The following GRIK3 variants were observed in gnomAD, a reference collection of about 807,000 sequenced individuals.
The protein encoded by GRIK3 is glutamate receptor ionotropic, kainate 3.
In GRIK3, 29 loss-of-function variants were observed where a neutral mutation model predicts 102.5. That is an observed-to-expected ratio of 0.28 (90% confidence interval 0.21 to 0.39). The LOEUF (loss-of-function observed/expected upper bound fraction) is 0.39, where lower values mean the gene tolerates loss of function less well. Ranked by LOEUF, GRIK3 falls within the 10% of genes least tolerant of loss-of-function variation. GRIK3 has a pLI of 1.00. For missense variants in GRIK3, 908 were observed against 1,252.4 expected (o/e 0.73, Z 4.15); for synonymous variants, 511 against 504.9 (o/e 1.01, Z -0.16).
At chr1:37,005,560 A>G (rs1209446263) in intron 1 of GRIK3, among the ~76,000 whole-genome samples, 1 of 152,214 alleles carries the variant, frequency 6.6e-6, no homozygotes. Flanking sequence ...GGGCTGGGCC[A>G]GCCAGGGGGA....
intron 1 of GRIK3, among the ~76,000 whole-genome samples, chr1:36,898,229 G>A (rs1336682321): frequency 5.3e-5 from 8 of 151,986 alleles, no homozygotes; most frequent in African/African-American, 1.9e-4. Context: ...AGCACAACAG[G>A]GTGACTATAA....
At chr1:36,802,141 G>A (rs1243064349) in intron 15 of GRIK3, 96 bp from the exon 16 acceptor site, 1 of 844,244 alleles carries the variant, frequency 1.2e-6, no homozygotes, top group Non-Finnish European at 1.8e-6. Context: ...CCCAGAGTCT[G>A]TGCTAAGGTT....
At chr1:36,937,602 G>A (rs1641673421) in intron 1 of GRIK3, among the ~76,000 whole-genome samples, 1 of 152,140 alleles carries the variant, frequency 6.6e-6, no homozygotes. Flanking sequence ...TACGGGCAGG[G>A]AGCAGCGGTG....
intron 10 of GRIK3, among the ~76,000 whole-genome samples, chr1:36,829,196 A>G (rs1357201905): frequency 6.6e-6 from 1 of 152,182 alleles, no homozygotes; most frequent in Admixed American, 6.5e-5. Context: ...ATTTTGTCCA[A>G]CTTCCCTTGA....
chr1:36,968,584 C>T (rs938574485), intron 1 of GRIK3, among the ~76,000 whole-genome samples: 1 of 152,216 alleles, frequency 6.6e-6, no homozygotes, highest in East Asian at 1.9e-4. Flanking sequence ...GCTCCTCCAC[C>T]TCTCTCACAT....
intron 1 of GRIK3, among the ~76,000 whole-genome samples, chr1:36,952,858 G>C (rs969244959): frequency 1.3e-5 from 2 of 152,200 alleles, no homozygotes; most frequent in Admixed American, 1.3e-4. Flanking sequence ...GAGAACACTT[G>C]AAGCCAAATC....
chr1:36,960,735 C>T (rs1482951278), intron 1 of GRIK3, among the ~76,000 whole-genome samples: 1 of 152,220 alleles, frequency 6.6e-6, no homozygotes, highest in African/African-American at 2.4e-5. Context: ...CTCCATTCAC[C>T]CCCTAGACAC....
chr1:37,013,266 A>T (rs542956806), intron 1 of GRIK3, among the ~76,000 whole-genome samples: 1 of 152,362 alleles, frequency 6.6e-6, no homozygotes, highest in African/African-American at 2.4e-5. Context: ...CACAACATGT[A>T]GGAATTATGG....
chr1:36,934,768 C>T (rs1337978713), intron 1 of GRIK3, among the ~76,000 whole-genome samples: 1 of 152,200 alleles, frequency 6.6e-6, no homozygotes, highest in African/African-American at 2.4e-5. Flanking sequence ...GGGAGTTCAG[C>T]ATACATCACC....
intron 1 of GRIK3, among the ~76,000 whole-genome samples, chr1:37,031,770 G>C (rs1642830701): frequency 6.6e-6 from 1 of 152,208 alleles, no homozygotes; most frequent in South Asian, 2.1e-4. Flanking sequence ...TTGGATTTTA[G>C]CATGAGATTC....
intron 1 of GRIK3, among the ~76,000 whole-genome samples, chr1:36,894,013 G>T (rs1047338721): frequency 6.6e-6 from 1 of 152,036 alleles, no homozygotes; most frequent in African/African-American, 2.4e-5. Context: ...TTTGATAATT[G>T]ATTTTGTTGA....
intron 1 of GRIK3, among the ~76,000 whole-genome samples, chr1:36,998,065 C>A (rs12085851): frequency 0.026 from 3,951 of 152,220 alleles, 173 homozygotes; most frequent in African/African-American, 0.089. Context: ...GACTGACTGA[C>A]TGAATGAATG....
chr1:36,953,136 C>A (rs1641865027), intron 1 of GRIK3, among the ~76,000 whole-genome samples: 1 of 152,242 alleles, frequency 6.6e-6, no homozygotes, highest in Non-Finnish European at 1.5e-5. Flanking sequence ...TGTGCAGACA[C>A]AACACTTCAC....
chr1:36,800,329 G>GTT lies in GRIK3; in HGVS notation c.*1521_*1522insAA, dbSNP rs1642427452. Reference sequence around the variant, plus strand: ...CATCCTTGGCCATGGTAACCCTGCTGGCCCATCATGTTCTCTTTAAGGACA... The same window carrying GTT: ...CATCCTTGGCCATGGTAACCCTGCTGTTGCCCATCATGTTCTCTTTAAGGACA... On this transcript the variant is annotated 3_prime_UTR_variant, in exon 16 of 16. Transcript: ENST00000373091. 1.3e-5 allele frequency: 2 copies of GTT among 152,234 alleles called. No individual in the cohort carries two copies. The highest frequency in any genetic ancestry group is 4.8e-5 in the African/African-American group (2 of 41,420). 9.4% of individuals were successfully genotyped at this position (152,234 alleles called of 1,614,324 possible).
Position 36,945,151 on chromosome 1 carries a change from T to G in GRIK3, c.116-54055A>C, listed in dbSNP as rs900104756. Among the ~76,000 whole-genome samples the G allele has an allele frequency of 9.2e-5, 14 of 152,270 alleles. No homozygotes were observed. The South Asian group carries it at 2.9e-3, about 31-fold the overall frequency. The stretch of plus-strand genomic sequence containing the variant: ...GGCGGACGCCTTTCTCAAGCAGGCC[T>G]CATCAAAGGCCGGTGTCGAGCTAAT... On this transcript the variant is annotated intron_variant, in intron 1 of 15. Coordinates refer to ENST00000373091, the MANE Select transcript of GRIK3 (RefSeq NM_000831.4).
At chr1:36,820,524 T>C (rs75001899) in intron 11 of GRIK3, among the ~76,000 whole-genome samples, 1,886 of 152,298 alleles carry the variant, frequency 0.012, 112 homozygotes, top group Admixed American at 0.097. Flanking sequence ...AAACTATCAG[T>C]GTTTACTTCT....
chr1:37,021,626 T>C (rs1481739841), intron 1 of GRIK3, among the ~76,000 whole-genome samples: 1 of 152,176 alleles, frequency 6.6e-6, no homozygotes, highest in Non-Finnish European at 1.5e-5. Flanking sequence ...GGCTGTCACC[T>C]CTATTAAACT....
chr1:36,861,812 C>A (rs150010889), intron 5 of GRIK3, among the ~76,000 whole-genome samples: 1 of 151,984 alleles, frequency 6.6e-6, no homozygotes, highest in Non-Finnish European at 1.5e-5. Context: ...TAAATATGGC[C>A]TTGATTCCAG....
chr1:36,996,408 C>A (rs921354916), intron 1 of GRIK3, among the ~76,000 whole-genome samples: 1 of 152,196 alleles, frequency 6.6e-6, no homozygotes, highest in Non-Finnish European at 1.5e-5. Flanking sequence ...AATGGACAGA[C>A]CTTCCCTGTT....
Sources: allele counts gnomAD v4.1 joint callset (sites outside exome capture counted in the v4.1 genomes callset), GRCh38; gene constraint gnomAD v4.1.1; transcripts MANE v1.5; gene names NCBI Gene and HGNC (gene_info 2026-07-23, HGNC 2026-07-21).